Variants in SLC14A2 observed in about 807,000 individuals in gnomAD.
The protein encoded by SLC14A2 is urea transporter 2.
A neutral mutation model predicts 104.6 loss-of-function variants in SLC14A2; 91 were observed. That is an observed-to-expected ratio of 0.87 (90% CI 0.73 to 1.04). The LOEUF is 1.04. Among genes scored for constraint, SLC14A2 ranks in the 50% least tolerant of loss-of-function variants. SLC14A2 has a pLI of 0.00. For missense variants in SLC14A2, 1,189 were observed against 1,156.0 expected (o/e 1.03, Z -0.41); for synonymous variants, 476 against 466.4 (o/e 1.02, Z -0.27).
intron 2 of SLC14A2, among the ~76,000 whole-genome samples, chr18:45,592,690 G>A (rs776545957): frequency 1.3e-5 from 2 of 152,206 alleles, no homozygotes; most frequent in Non-Finnish European, 2.9e-5. Context: ...TTGATCCCTG[G>A]CCTGTTCTGT....
chr18:45,495,452 G>C (rs1244113839), intron 2 of SLC14A2, among the ~76,000 whole-genome samples: 1 of 152,154 alleles, frequency 6.6e-6, no homozygotes, highest in East Asian at 1.9e-4. Context: ...CAGCACTGTA[G>C]ACCTCAAAAT....
intron 1 of SLC14A2, among the ~76,000 whole-genome samples, chr18:45,376,616 A>G (rs1441289755): frequency 1.3e-5 from 2 of 152,176 alleles, no homozygotes; most frequent in African/African-American, 4.8e-5. Context: ...TGATGCGACA[A>G]CGGATCAGAG....
intron 1 of SLC14A2, among the ~76,000 whole-genome samples, chr18:45,390,648 G>A (rs2085950392): frequency 6.6e-6 from 1 of 152,164 alleles, no homozygotes; most frequent in Admixed American, 6.5e-5. Flanking sequence ...GTTAGGAGGT[G>A]AGGGTGAATA....
chr18:45,661,922 C>A (rs138691437), intron 10 of SLC14A2, among the ~76,000 whole-genome samples: 18 of 152,300 alleles, frequency 1.2e-4, no homozygotes, highest in African/African-American at 4.1e-4. Flanking sequence ...TCAACACTGA[C>A]CCCTGGACAG....
intron 1 of SLC14A2, among the ~76,000 whole-genome samples, chr18:45,481,232 G>C (rs2087487196): frequency 1.3e-5 from 2 of 152,034 alleles, no homozygotes; most frequent in African/African-American, 4.8e-5. Flanking sequence ...CCCTCTTTGT[G>C]CCTGCATATT....
At position 45,668,143 on chromosome 18, in the gene SLC14A2, T is replaced by C. The variant is rs563841166; in HGVS notation, c.1907+121T>C. The C allele has an allele frequency of 9.6e-6, 11 of 1,146,776 alleles. No homozygotes were observed. In the Admixed American group the frequency reaches 2.7e-4, roughly 28 times the overall value. The allele number at this position is 1,146,776 out of a possible 1,614,324, so 71.0% of individuals were successfully genotyped here. On this transcript the variant is annotated intron_variant, in intron 14 of 19. Transcript: ENST00000255226. ...AAGGACACTGACAACTAAAAATGACTGTTCCCTGGTTATTTTGTCATAGCA... is the reference window on the plus strand; with the variant it reads ...AAGGACACTGACAACTAAAAATGACCGTTCCCTGGTTATTTTGTCATAGCA...
At chr18:45,655,245 TC>T (rs2045813299) in intron 10 of SLC14A2, among the ~76,000 whole-genome samples, 1 of 152,156 alleles carries the variant, frequency 6.6e-6, no homozygotes, top group South Asian at 2.1e-4. Flanking sequence ...AGGAACAACA[TC>T]CCAGGATATT....
chr18:45,289,079 C>A (rs2084843748), intron 1 of SLC14A2, among the ~76,000 whole-genome samples: 1 of 152,202 alleles, frequency 6.6e-6, no homozygotes, highest in Admixed American at 6.5e-5. Context: ...TCATTCTCAG[C>A]CACCTCAACA....
At chr18:45,357,794 A>G (rs2085570531) in intron 1 of SLC14A2, among the ~76,000 whole-genome samples, 1 of 152,168 alleles carries the variant, frequency 6.6e-6, no homozygotes, top group South Asian at 2.1e-4. Context: ...TGATGAAGAA[A>G]GGCTGAAAAA....
rs745829104 is a variant in SLC14A2 at position 45,682,511 on chromosome 18, G to A, written c.2755G>A (p.Val919Ile). ...SIITKYQAYD[V>I]S ...CATAACAAAGTATCAGGCCTACGAT[G>A]TCTCCTAAGTTTCCCTGTCTAAAAC... The change falls in exon 20 of 20, where the codon GTC becomes ATC. Residue 919 changes from valine to isoleucine, a missense_variant. Val to Ile is a conservative substitution (Grantham distance 29). Coordinates refer to ENST00000255226, the MANE Select transcript of SLC14A2 (RefSeq NM_007163.4). The A allele has an allele frequency of 3.7e-5, 60 of 1,613,476 alleles. No homozygotes were observed. The East Asian group carries it at 1.2e-3, about 33-fold the overall frequency.
intron 1 of SLC14A2, among the ~76,000 whole-genome samples, chr18:45,273,226 A>G (rs948942243): frequency 1.2e-4 from 19 of 152,124 alleles, no homozygotes; most frequent in Non-Finnish European, 2.6e-4. Flanking sequence ...TGACCATCCA[A>G]CAGTTCCAAG....
At chr18:45,277,558 G>A (rs1452607197) in intron 1 of SLC14A2, among the ~76,000 whole-genome samples, 1 of 152,100 alleles carries the variant, frequency 6.6e-6, no homozygotes, top group East Asian at 1.9e-4. Context: ...ATAGGCATAT[G>A]CCACCACACC....
At chr18:45,324,461 T>C (rs1309643711) in intron 1 of SLC14A2, among the ~76,000 whole-genome samples, 1 of 152,126 alleles carries the variant, frequency 6.6e-6, no homozygotes, top group East Asian at 1.9e-4. Flanking sequence ...GTCAGGAAAG[T>C]TGAAGCCTCT....
rs556924766 is a variant in SLC14A2, at chr18:45,626,822, C to T, written c.332-136C>T. The stretch of plus-strand genomic sequence containing the variant: ...CTCCCCTCTACCCCCACCCCTCCAC[C>T]CCGACCCCTGGCCTGGCTGAATGGG... On this transcript the variant is annotated intron_variant, in intron 3 of 19. Coordinates refer to ENST00000255226, the MANE Select transcript of SLC14A2 (RefSeq NM_007163.4). The T allele has an allele frequency of 9.0e-4, 438 of 487,792 alleles. 6 individuals carry two copies. Among genetic ancestry groups the T allele is most frequent in the African/African-American group, 7.7e-3 (391 of 50,822 alleles). 30.2% of individuals were successfully genotyped at this position (487,792 alleles called of 1,614,324 possible).
chr18:45,559,314 T>C lies in SLC14A2; in HGVS notation c.-34-65317T>C, dbSNP rs117349549. 2.6e-5 allele frequency among the ~76,000 whole-genome samples: 4 copies of C among 152,256 alleles called. No homozygotes were observed. The East Asian group carries it at 7.7e-4, about 29-fold the overall frequency. On this transcript the variant is annotated intron_variant, in intron 2 of 20. Coordinates refer to the SLC14A2 transcript ENST00000586448. Reference sequence around the variant, plus strand: ...GAGTGGTGAAGATCAAGAATTGTCATTGAAGTTGAACCCCTTAATCCTGTG... The same window carrying C: ...GAGTGGTGAAGATCAAGAATTGTCACTGAAGTTGAACCCCTTAATCCTGTG...
At chr18:45,247,964 C>T (rs1227329255) in intron 1 of SLC14A2, among the ~76,000 whole-genome samples, 4 of 152,112 alleles carry the variant, frequency 2.6e-5, no homozygotes, top group African/African-American at 9.7e-5. Context: ...GCCCTTCCAG[C>T]ATCCAGTTGA....
At chr18:45,265,179 T>A (rs1457687252) in intron 1 of SLC14A2, among the ~76,000 whole-genome samples, 1 of 152,130 alleles carries the variant, frequency 6.6e-6, no homozygotes, top group Non-Finnish European at 1.5e-5. Context: ...ATTGTTGAGG[T>A]TGGATCAGAA....
chr18:45,432,085 C>A (rs1325584416), intron 1 of SLC14A2, among the ~76,000 whole-genome samples: 1 of 152,128 alleles, frequency 6.6e-6, no homozygotes, highest in Non-Finnish European at 1.5e-5. Context: ...AAGACAATGC[C>A]TCGTTTGAAT....
chr18:45,215,346 G>A (rs1375312618), intron 1 of SLC14A2, among the ~76,000 whole-genome samples: 9 of 152,142 alleles, frequency 5.9e-5, no homozygotes, highest in African/African-American at 2.2e-4. Context: ...GATTTCTGTG[G>A]CCTAGTCAAC....
Sources: gnomAD v4.1 joint callset for allele counts (sites outside exome capture counted in the v4.1 genomes callset) on GRCh38, gnomAD v4.1.1 for gene constraint, MANE v1.5 for transcripts, NCBI Gene and HGNC (gene_info 2026-07-23, HGNC 2026-07-21) for gene names.